The following ROR2 variants were observed in gnomAD, a reference collection of about 807,000 sequenced individuals.
ROR2 encodes tyrosine-protein kinase transmembrane receptor ROR2.
In ROR2, 33 loss-of-function variants were observed where a neutral mutation model predicts 74.9. The ratio of observed to expected loss-of-function variants is 0.44; its 90% CI spans 0.33 to 0.59. The LOEUF is 0.59. ROR2 is among the 20% of genes least tolerant of loss of function. The pLI is 0.02. For synonymous variants in ROR2, 586 were observed against 558.7 expected, an observed-to-expected ratio of 1.05 and a Z score of -0.69; for missense variants, 1,216 against 1,313.8, an observed-to-expected ratio of 0.93 and a Z score of 1.15.
chr9:91,906,605 C>T (rs756087129), intron 1 of ROR2, among the ~76,000 whole-genome samples: 2 of 152,176 alleles, frequency 1.3e-5, no homozygotes, highest in South Asian at 4.1e-4. Context: ...AAAATCCCCT[C>T]GGTTTTGTTC....
chr9:91,920,326 C>T (rs978594511), intron 1 of ROR2, among the ~76,000 whole-genome samples: 11 of 152,092 alleles, frequency 7.2e-5, no homozygotes, highest in African/African-American at 1.9e-4. Flanking sequence ...GGCAACATAG[C>T]GAGACACTAT....
chr9:91,739,849 C>G (rs1196698273), intron 4 of ROR2, among the ~76,000 whole-genome samples: 1 of 152,224 alleles, frequency 6.6e-6, no homozygotes, highest in Non-Finnish European at 1.5e-5. Context: ...GCTGATTAGA[C>G]ACTGGCCACA....
At chr9:91,789,176 C>T (rs1225005738) in intron 1 of ROR2, among the ~76,000 whole-genome samples, 1 of 152,110 alleles carries the variant, frequency 6.6e-6, no homozygotes, top group Non-Finnish European at 1.5e-5. Context: ...GATTATTATA[C>T]AATGCATACA....
At chr9:91,728,442 TA>T (rs1381937656) in intron 7 of ROR2, among the ~76,000 whole-genome samples, 1 of 152,212 alleles carries the variant, frequency 6.6e-6, no homozygotes, top group Non-Finnish European at 1.5e-5. Flanking sequence ...TTTATTTATT[TA>T]TTTTTGAGAT....
At chr9:91,743,468 G>A (rs890492068) in intron 4 of ROR2, among the ~76,000 whole-genome samples, 5 of 152,108 alleles carry the variant, frequency 3.3e-5, no homozygotes, top group Non-Finnish European at 5.9e-5. Flanking sequence ...TTACTCAGAA[G>A]GCTGAGGCAG....
chr9:91,725,235 G>T, intron 8 of ROR2, 128 bp from the exon 9 acceptor site: 1 of 1,533,722 alleles, frequency 6.5e-7, no homozygotes, highest in South Asian at 1.1e-5. Flanking sequence ...AAGACCCGCT[G>T]GTTTTGCCCA....
chr9:91,824,675 G>A (rs1314228698), intron 1 of ROR2, among the ~76,000 whole-genome samples: 4 of 152,268 alleles, frequency 2.6e-5, no homozygotes, highest in African/African-American at 7.2e-5. Flanking sequence ...TCCCCCACCC[G>A]AGGCAGCTGT....
intron 1 of ROR2, among the ~76,000 whole-genome samples, chr9:91,782,050 A>G (rs1254137857): frequency 6.6e-6 from 1 of 152,140 alleles, no homozygotes; most frequent in Non-Finnish European, 1.5e-5. Flanking sequence ...CCTTTCACAG[A>G]CCTTCTCTCT....
chr9:91,807,175 T>G (rs886413990), intron 1 of ROR2, among the ~76,000 whole-genome samples: 1 of 152,200 alleles, frequency 6.6e-6, no homozygotes, highest in Non-Finnish European at 1.5e-5. Context: ...CATATCCTTT[T>G]TATCCAATCA....
At chr9:91,787,909 C>T (rs1587718862) in intron 1 of ROR2, among the ~76,000 whole-genome samples, 1 of 151,932 alleles carries the variant, frequency 6.6e-6, no homozygotes, top group East Asian at 1.9e-4. Context: ...AGCTAACCAG[C>T]CATACAACAA....
chr9:91,870,608 T>C (rs1190873536), intron 1 of ROR2, among the ~76,000 whole-genome samples: 1 of 152,252 alleles, frequency 6.6e-6, no homozygotes, highest in African/African-American at 2.4e-5. Context: ...AAGGAAACAT[T>C]TCTAGGATGT....
chr9:91,780,345 C>T (rs1826570773), intron 1 of ROR2, among the ~76,000 whole-genome samples: 2 of 151,388 alleles, frequency 1.3e-5, no homozygotes, highest in Admixed American at 6.6e-5. Context: ...CCACACTACT[C>T]CAGCCTAGGC....
In ROR2 at chr9:91,722,764, A is replaced by C. The variant is rs1476500679; in HGVS notation, c.*898T>G. 2 of 612,288 alleles carry C rather than the reference A, an allele frequency of 3.3e-6. No homozygotes were observed. The highest frequency in any genetic ancestry group is 3.7e-5 in the African/African-American group (2 of 54,750). 37.9% of individuals were successfully genotyped at this position (612,288 alleles called of 1,614,324 possible). A position where few individuals can be genotyped will look rare whatever the true frequency, so the allele number is the denominator to read the frequency against. Reference sequence around the variant, plus strand: ...TACAGAGAGAAGCAAACCAAGACCAACTGGATCCCAACGTGGGTAACATAA... The same window carrying C: ...TACAGAGAGAAGCAAACCAAGACCACCTGGATCCCAACGTGGGTAACATAA... On this transcript the variant is annotated 3_prime_UTR_variant, in exon 9 of 9. Transcript: ENST00000375708.
At chr9:91,829,443 G>A (rs145505905) in intron 1 of ROR2, among the ~76,000 whole-genome samples, 157 of 150,780 alleles carry the variant, frequency 1.0e-3, no homozygotes, top group Non-Finnish European at 1.3e-3. Flanking sequence ...CCAGCTGCTC[G>A]GGAGGCTGAA....
At position 91,937,029 on chromosome 9, in the gene ROR2, C is replaced by CAAAAAAAAAAAAAAAAA. The variant is rs540672189; in HGVS notation, c.97+12821_97+12837dup. Among the ~76,000 whole-genome samples the CAAAAAAAAAAAAAAAAA allele has an allele frequency of 2.6e-3, 169 of 65,558 alleles. 1 individual carries two copies. The highest frequency in any genetic ancestry group is 4.1e-3 in the Non-Finnish European group (144 of 34,914). 43.0% of individuals were successfully genotyped at this position (65,558 alleles called of 152,430 possible). On this transcript the variant is annotated intron_variant, in intron 1 of 8. Coordinates refer to ENST00000375708, the MANE Select transcript of ROR2 (RefSeq NM_004560.4). Reference sequence around the variant, plus strand: ...TGGGCGACAGAGCGAGACTCCGTCTCAAAAAAAAAAAAAAAAAAGATTTCC... The same window carrying CAAAAAAAAAAAAAAAAA: ...TGGGCGACAGAGCGAGACTCCGTCTCAAAAAAAAAAAAAAAAAAAAAAAAAAAAAAAAAAAGATTTCC...
chr9:91,909,504 A>G (rs1830899395), intron 1 of ROR2, among the ~76,000 whole-genome samples: 1 of 140,304 alleles, frequency 7.1e-6, no homozygotes, highest in Admixed American at 7.6e-5. Flanking sequence ...GCATCACCAC[A>G]TCCAACTAAT....
At position 91,737,388 on chromosome 9, in the gene ROR2, T is replaced by C; in HGVS notation, c.622+3A>G. 15 of 1,614,174 alleles carry C rather than the reference T, an allele frequency of 9.3e-6. No individual in the cohort carries two copies. Among genetic ancestry groups the C allele is most frequent in the South Asian group, 1.1e-5 (1 of 91,086 alleles). On this transcript the variant is annotated splice_donor_region_variant and intron_variant, in intron 5 of 8. Coordinates refer to ENST00000375708, the MANE Select transcript of ROR2 (RefSeq NM_004560.4). ...TCCTGGGAGAAAGGTCTGCAGCTCC[T>C]ACCTGTGATTCGGTTTTCAATCTCC...
At chr9:91,919,758 G>T (rs1282519803) in intron 1 of ROR2, among the ~76,000 whole-genome samples, 2 of 152,128 alleles carry the variant, frequency 1.3e-5, no homozygotes, top group African/African-American at 4.8e-5. Context: ...GGGCCGGAGT[G>T]GGGAGGGTTT....
At chr9:91,893,116 T>G (rs1214525448) in intron 1 of ROR2, among the ~76,000 whole-genome samples, 3 of 152,028 alleles carry the variant, frequency 2.0e-5, no homozygotes, top group Non-Finnish European at 2.9e-5. Flanking sequence ...ACAAGGACAT[T>G]CCAGCATGCC....
Sources: gnomAD v4.1 joint callset for allele counts (sites outside exome capture counted in the v4.1 genomes callset) on GRCh38, gnomAD v4.1.1 for gene constraint, MANE v1.5 for transcripts, NCBI Gene and HGNC (gene_info 2026-07-23, HGNC 2026-07-21) for gene names.